The following ATP1A1 variants were observed in gnomAD, a reference collection of about 807,000 sequenced individuals.
The protein encoded by ATP1A1 is ATPase Na+/K+ transporting subunit alpha 1.
Under a neutral mutation model 114.8 loss-of-function variants are expected in ATP1A1, and 14 were observed. The ratio of observed to expected loss-of-function variants is 0.12; its 90% CI spans 0.08 to 0.19. The LOEUF is 0.19. Ranked by LOEUF, ATP1A1 falls within the 10% of genes least tolerant of loss-of-function variation. The pLI, the probability that ATP1A1 is intolerant of heterozygous loss-of-function variation, is 1.00. For missense variants in ATP1A1, 524 were observed against 1,290.7 expected (o/e 0.41, Z 9.10); for synonymous variants, 471 against 466.3 (o/e 1.01, Z -0.13).
At position 116,404,404 on chromosome 1, in the gene ATP1A1, TG is replaced by T. The variant is rs767923823; in HGVS notation, c.3044-11del. On this transcript the variant is annotated splice_polypyrimidine_tract_variant and intron_variant, in intron 22 of 22. Transcript: ENST00000295598. This position sits in a 1 kb window ranked among gnomAD's most constrained non-coding sequence, Gnocchi z 4.8. ...CTGTAGTGTGTCTTGTCTGTCTCTTTGCCACCCACAGGCTGGGTGGAGAAGG... is the reference window on the plus strand; with the variant it reads ...CTGTAGTGTGTCTTGTCTGTCTCTTTCCACCCACAGGCTGGGTGGAGAAGG... 10 of 1,613,760 alleles carry T rather than the reference TG, an allele frequency of 6.2e-6. No homozygotes were observed. The highest frequency in any genetic ancestry group is 7.6e-6 in the Non-Finnish European group (9 of 1,179,906).
rs1652278970 is a variant in ATP1A1 at position 116,389,075 on chromosome 1, A to G, written c.754+56A>G. The G allele has an allele frequency of 1.6e-5, 24 of 1,472,336 alleles. No individual in the cohort carries two copies. The South Asian group carries it at 2.6e-4, about 16-fold the overall frequency. The allele number at this position is 1,472,336 out of a possible 1,614,324, so 91.2% of individuals were successfully genotyped here. A position where few individuals can be genotyped will look rare whatever the true frequency, so the allele number is the denominator to read the frequency against. On this transcript the variant is annotated intron_variant, in intron 7 of 22. Coordinates refer to ENST00000295598, the MANE Select transcript of ATP1A1 (RefSeq NM_000701.8). This position sits in a 1 kb window ranked among gnomAD's most constrained non-coding sequence, Gnocchi z 6.9. ...CGTGGTATTTCTCTTGGGCATTAAC[A>G]AAATCAAAACCATAGGCACAATCTC...
At position 116,384,146 on chromosome 1, in the gene ATP1A1, G is replaced by A. The variant is rs759652836; in HGVS notation, c.123+22G>A. On this transcript the variant is annotated intron_variant, in intron 2 of 22. Coordinates refer to ENST00000295598, the MANE Select transcript of ATP1A1 (RefSeq NM_000701.8). The surrounding 1 kb of genome is among the most constrained non-coding windows in gnomAD (Gnocchi z 5.1). ...TATGGTAAGTACTAGGAGGAATATT[G>A]TATTCCATCCTTATTAAAAATCCAT... The A allele has an allele frequency of 1.7e-5, 27 of 1,572,938 alleles. No homozygotes were observed. The highest frequency in any genetic ancestry group is 1.7e-5 in the Non-Finnish European group (20 of 1,143,400).
In ATP1A1 at chr1:116,389,418, C is replaced by T; in HGVS notation, c.755-21C>T. ...AGGTTAGATACAATTAGGTACAGTT[C>T]TCCCTCCCCTTCTTTTTAAGGCACC... On this transcript the variant is annotated intron_variant, in intron 7 of 22. Coordinates refer to ENST00000295598, the MANE Select transcript of ATP1A1 (RefSeq NM_000701.8). This position sits in a 1 kb window ranked among gnomAD's most constrained non-coding sequence, Gnocchi z 6.9. 2 of 1,612,392 alleles carry T rather than the reference C, an allele frequency of 1.2e-6. No homozygotes were observed. The highest frequency in any genetic ancestry group is 1.7e-6 in the Non-Finnish European group (2 of 1,178,686).
intron 1 of ATP1A1, 117 bp from the exon 2 acceptor site, chr1:116,383,897 A>G: frequency 1.2e-6 from 1 of 810,402 alleles, no homozygotes; most frequent in African/African-American, 1.7e-5. Context: ...CTATTATCTT[A>G]ATGACTATTC....
In ATP1A1 at chr1:116,374,063, G is replaced by T. The variant is rs1242433876; in HGVS notation, c.12+540G>T. The T allele has an allele frequency of 7.8e-6, 11 of 1,406,116 alleles. No individual in the cohort carries two copies. In the Admixed American group the frequency reaches 2.9e-4, roughly 37 times the overall value. The allele number at this position is 1,406,116 out of a possible 1,614,324, so 87.1% of individuals were successfully genotyped here. On this transcript the variant is annotated intron_variant, in intron 1 of 22. Transcript: ENST00000295598. ...CGTTCCCGCCGCGGCCCCGGTTCCGGCGGGGGCAGCCTCCGGGTTCGGGGC... is the reference window on the plus strand; with the variant it reads ...CGTTCCCGCCGCGGCCCCGGTTCCGTCGGGGGCAGCCTCCGGGTTCGGGGC...
In ATP1A1 at chr1:116,386,769, G is replaced by A. The variant is rs138370912; in HGVS notation, c.184-519G>A. On this transcript the variant is annotated intron_variant, in intron 3 of 22. Coordinates refer to ENST00000295598, the MANE Select transcript of ATP1A1 (RefSeq NM_000701.8). ...TGCACATGGAGGTGAGCCCTTCCCTGCCAGACAAGCAAAGAATCAAGCTGT... is the reference window on the plus strand; with the variant it reads ...TGCACATGGAGGTGAGCCCTTCCCTACCAGACAAGCAAAGAATCAAGCTGT... Among the ~76,000 whole-genome samples the A allele has an allele frequency of 1.2e-4, 18 of 152,218 alleles. No homozygotes were observed. In the East Asian group the frequency reaches 3.1e-3, roughly 26 times the overall value.
rs1652044248 is a variant in ATP1A1, at chr1:116,385,910, TGAG to T, written c.183+1070_183+1072del. ...GGGAGGCTGAGACTGGTGGATCACCTGAGGTCAGGAGTTCGACACCAGCCTGAC... is the reference window on the plus strand; with the variant it reads ...GGGAGGCTGAGACTGGTGGATCACCTGTCAGGAGTTCGACACCAGCCTGAC... On this transcript the variant is annotated intron_variant, in intron 3 of 22. Coordinates refer to ENST00000295598, the MANE Select transcript of ATP1A1 (RefSeq NM_000701.8). The surrounding 1 kb of genome is among the most constrained non-coding windows in gnomAD (Gnocchi z 4.3). The T allele has an allele frequency of 6.6e-6, 1 of 152,162 alleles. No individual in the cohort carries two copies. The highest frequency in any genetic ancestry group is 1.5e-5 in the Non-Finnish European group (1 of 68,130). The allele number at this position is 152,162 out of a possible 1,614,324, so 9.4% of individuals were successfully genotyped here. A position where few individuals can be genotyped will look rare whatever the true frequency, so the allele number is the denominator to read the frequency against.
chr1:116,400,144 G>A (rs1653320311), intron 18 of ATP1A1, among the ~76,000 whole-genome samples: 1 of 152,214 alleles, frequency 6.6e-6, no homozygotes, highest in South Asian at 2.1e-4. Flanking sequence ...AGCCACCATG[G>A]ATGTCTTATT....
chr1:116,393,850 G>T lies in ATP1A1; in HGVS notation c.1660+127G>T. ...TTGACCTTCCTCTACATCTTTTAGG[G>T]GCAATCCTCCTATTTGTTTATTTGC... On this transcript the variant is annotated intron_variant, in intron 12 of 22. Transcript: ENST00000295598. The surrounding 1 kb of genome is among the most constrained non-coding windows in gnomAD (Gnocchi z 5.0). The T allele has an allele frequency of 1.1e-6, 1 of 915,792 alleles. No homozygotes were observed. The allele number at this position is 915,792 out of a possible 1,614,324, so 56.7% of individuals were successfully genotyped here. A position where few individuals can be genotyped will look rare whatever the true frequency, so the allele number is the denominator to read the frequency against.
In ATP1A1 at chr1:116,385,417, A is replaced by G. The variant is rs1393798094; in HGVS notation, c.183+575A>G. The G allele has an allele frequency of 6.4e-6, 1 of 155,768 alleles. No homozygotes were observed. The highest frequency in any genetic ancestry group is 2.4e-5 in the African/African-American group (1 of 41,482). The allele number at this position is 155,768 out of a possible 1,614,324, so 9.6% of individuals were successfully genotyped here. A position where few individuals can be genotyped will look rare whatever the true frequency, so the allele number is the denominator to read the frequency against. On this transcript the variant is annotated intron_variant, in intron 3 of 22. Coordinates refer to ENST00000295598, the MANE Select transcript of ATP1A1 (RefSeq NM_000701.8). This position sits in a 1 kb window ranked among gnomAD's most constrained non-coding sequence, Gnocchi z 4.3. ...TGTGTAACAAATGTTATAAAAGTAA[A>G]TAGTCTAGGGATGTCTTATTTCCAG...
intron 1 of ATP1A1, among the ~76,000 whole-genome samples, chr1:116,377,885 A>C (rs1246899338): frequency 6.6e-6 from 1 of 152,258 alleles, no homozygotes; most frequent in Non-Finnish European, 1.5e-5. Flanking sequence ...TGTCCAGTAC[A>C]TGATAATGTG....
Position 116,395,110 on chromosome 1 carries a change from GTTTCTGCCACCTC to G in ATP1A1, c.1671_1683del (p.His557GlnfsTer16). The stretch of plus-strand genomic sequence containing the variant: ...TCAAAGGCTCCTGTCCTCCTCGCAG[GTTTCTGCCACCTC>G]TTTCTGCCAGATGAACAGTTTCCTG... On this transcript the variant is annotated frameshift_variant and splice_region_variant, in exon 13 of 23. Transcript: ENST00000295598. LOFTEE classifies it high-confidence loss of function. The surrounding 1 kb of genome is among the most constrained non-coding windows in gnomAD (Gnocchi z 6.4). 1 of 1,613,616 alleles carries G rather than the reference GTTTCTGCCACCTC, an allele frequency of 6.2e-7. No homozygotes were observed. The highest frequency in any genetic ancestry group is 8.5e-7 in the Non-Finnish European group (1 of 1,179,744).
At chr1:116,383,315 T>C (rs1651869403) in intron 1 of ATP1A1, 14 of 1,073,430 alleles carry the variant, frequency 1.3e-5, no homozygotes, top group African/African-American at 1.7e-5. Context: ...CTTTTTAATA[T>C]GGGAAGCTGG....
rs898607785 is a variant in ATP1A1 at position 116,401,442 on chromosome 1, T to C, written c.2850-112T>C. On this transcript the variant is annotated intron_variant, in intron 20 of 22. Transcript: ENST00000295598. The surrounding 1 kb of genome is among the most constrained non-coding windows in gnomAD (Gnocchi z 4.7). The stretch of plus-strand genomic sequence containing the variant: ...AGTTTTTTCATCTGACCTCCAAGTT[T>C]TCAAGTACAGCTAATACATAAAGAT... 8 of 1,424,258 alleles carry C rather than the reference T, an allele frequency of 5.6e-6. No individual in the cohort carries two copies. Among genetic ancestry groups the C allele is most frequent in the Admixed American group, 2.0e-5 (1 of 50,132 alleles). The allele number at this position is 1,424,258 out of a possible 1,614,324, so 88.2% of individuals were successfully genotyped here.
intron 1 of ATP1A1, chr1:116,374,244 A>G: frequency 1.3e-6 from 2 of 1,551,700 alleles, no homozygotes; most frequent in Non-Finnish European, 1.7e-6. Flanking sequence ...CCTTTAAGGT[A>G]TACTTTTGAG....
rs937122853 is a variant in ATP1A1, at chr1:116,401,135, T to C, written c.2724T>C (p.Tyr908=). 4.8e-5 allele frequency: 77 copies of C among 1,614,086 alleles called. No individual in the cohort carries two copies. The highest frequency in any genetic ancestry group is 6.4e-5 in the Non-Finnish European group (75 of 1,180,040). Residue 908 remains tyrosine, a synonymous_variant, in exon 20 of 23, where the codon TAT becomes TAC. Transcript: ENST00000295598. The surrounding 1 kb of genome is among the most constrained non-coding windows in gnomAD (Gnocchi z 4.7). ...VEDSYGQQWT[Y]EQRKIVEFTC... ...TTCTGTCTTCTGCATTTCAGACCTA[T>C]GAGCAGAGGAAAATCGTGGAGTTCA...
At chr1:116,378,197 C>T (rs969464278) in intron 1 of ATP1A1, among the ~76,000 whole-genome samples, 2 of 152,190 alleles carry the variant, frequency 1.3e-5, no homozygotes, top group Non-Finnish European at 2.9e-5. Context: ...TACACTTTCT[C>T]TTTGGTTTGG....
chr1:116,395,130 C>T lies in ATP1A1; in HGVS notation c.1681C>T (p.Pro561Ser). The part of the protein sequence containing the change: ...RVLGFCHLFL[P>S]DEQFPEGFQF... ...CGCAGGTTTCTGCCACCTCTTTCTG[C>T]CAGATGAACAGTTTCCTGAAGGGTT... The change falls in exon 13 of 23, where the codon CCA (proline) becomes TCA (serine). Residue 561 changes from proline (P) to serine (S), a missense_variant. Pro to Ser is a moderately conservative substitution (Grantham distance 74). Coordinates refer to ENST00000295598, the MANE Select transcript of ATP1A1 (RefSeq NM_000701.8). This position sits in a 1 kb window ranked among gnomAD's most constrained non-coding sequence, Gnocchi z 6.4. 6.2e-7 allele frequency: 1 copy of T among 1,613,760 alleles called. No individual in the cohort carries two copies. The highest frequency in any genetic ancestry group is 8.5e-7 in the Non-Finnish European group (1 of 1,179,844).
In ATP1A1 at chr1:116,398,099, A is replaced by G; in HGVS notation, c.2124+61A>G. 3.8e-6 allele frequency: 6 copies of G among 1,592,958 alleles called. No homozygotes were observed. Among genetic ancestry groups the G allele is most frequent in the Non-Finnish European group, 5.1e-6 (6 of 1,167,924 alleles). On this transcript the variant is annotated intron_variant, in intron 15 of 22. Transcript: ENST00000295598. The surrounding 1 kb of genome is among the most constrained non-coding windows in gnomAD (Gnocchi z 6.1). ...TATTGGCTTTAGGGATTGGAGTTCC[A>G]GTGGAAACAGAGCAACGGTGATGGA... is the stretch of plus-strand genomic sequence containing the variant.
Sources: allele counts gnomAD v4.1 joint callset (sites outside exome capture counted in the v4.1 genomes callset), GRCh38; gene constraint gnomAD v4.1.1; non-coding constraint Gnocchi (gnomAD v3.1); transcripts MANE v1.5; gene names NCBI Gene and HGNC (gene_info 2026-07-23, HGNC 2026-07-21).